Variants in OSBPL10 observed in about 807,000 individuals in gnomAD.
The protein encoded by OSBPL10 is oxysterol binding protein like 10, also known as oxysterol-binding protein-related protein 10.
In OSBPL10, 49 loss-of-function variants were observed where a neutral mutation model predicts 81.7. That is an observed-to-expected ratio of 0.60 (90% CI 0.48 to 0.76). The LOEUF is 0.76. Among genes scored for constraint, OSBPL10 ranks in the 30% least tolerant of loss-of-function variants. The pLI is 0.00. For synonymous variants in OSBPL10, 419 were observed against 383.6 expected, an observed-to-expected ratio of 1.09 and a Z score of -1.08; for missense variants, 923 against 987.8, an observed-to-expected ratio of 0.93 and a Z score of 0.88.
intron 6 of OSBPL10, among the ~76,000 whole-genome samples, chr3:31,718,425 C>A (rs1453324123): frequency 6.6e-6 from 1 of 152,198 alleles, no homozygotes; most frequent in African/African-American, 2.4e-5. Flanking sequence ...CCATGCCCAG[C>A]CCCAGAATTT....
chr3:31,764,328 C>T (rs1465961281), intron 4 of OSBPL10, among the ~76,000 whole-genome samples: 1 of 152,196 alleles, frequency 6.6e-6, no homozygotes, highest in Admixed American at 6.5e-5. Flanking sequence ...TAATTCACTG[C>T]CAAACTCTTT....
At chr3:31,926,292 C>CCCCCCCA (rs987421368) in intron 1 of OSBPL10, among the ~76,000 whole-genome samples, 2 of 144,496 alleles carry the variant, frequency 1.4e-5, no homozygotes, top group East Asian at 2.1e-4. Flanking sequence ...TGATTTTGCC[C>CCCCCCCA]CCCCAGAGGA....
intron 8 of OSBPL10, among the ~76,000 whole-genome samples, chr3:31,682,220 GC>G (rs150761341): frequency 0.043 from 6,469 of 152,034 alleles, 346 homozygotes; most frequent in East Asian, 0.3. Flanking sequence ...CATTACCCCC[GC>G]CCAGGGTCTG....
chr3:31,755,927 T>A (rs1697874413), intron 4 of OSBPL10, among the ~76,000 whole-genome samples: 1 of 152,218 alleles, frequency 6.6e-6, no homozygotes, highest in Admixed American at 6.5e-5. Flanking sequence ...TCTTCACCTT[T>A]GGCTTTTCTA....
intron 3 of OSBPL10, among the ~76,000 whole-genome samples, chr3:31,875,863 A>G (rs1701458379): frequency 6.6e-6 from 1 of 152,194 alleles, no homozygotes; most frequent in Non-Finnish European, 1.5e-5. Flanking sequence ...TGTTTCCTGT[A>G]TTTTAATGAA....
At chr3:31,789,114 G>A (rs1000627694) in intron 4 of OSBPL10, among the ~76,000 whole-genome samples, 4 of 152,190 alleles carry the variant, frequency 2.6e-5, no homozygotes, top group African/African-American at 9.7e-5. Context: ...AAGTCACAGC[G>A]ATTACAGGCG....
chr3:31,729,793 C>A (rs2168423), intron 6 of OSBPL10, among the ~76,000 whole-genome samples: 1 of 152,168 alleles, frequency 6.6e-6, no homozygotes, highest in African/African-American at 2.4e-5. Context: ...AGCTGCTGCT[C>A]TTGCCACAAC....
At chr3:31,956,978 C>CA (rs891255911) in intron 1 of OSBPL10, among the ~76,000 whole-genome samples, 2 of 151,342 alleles carry the variant, frequency 1.3e-5, no homozygotes, top group Admixed American at 1.3e-4. Flanking sequence ...ATAAAAAATA[C>CA]AAAAAAGTTA....
chr3:31,703,428 A>G (rs1339781076), intron 6 of OSBPL10, among the ~76,000 whole-genome samples: 1 of 152,218 alleles, frequency 6.6e-6, no homozygotes, highest in Admixed American at 6.5e-5. Flanking sequence ...GGTCAGACAT[A>G]ATATACAGAA....
chr3:31,680,318 C>G (rs956676309), intron 8 of OSBPL10, among the ~76,000 whole-genome samples: 4 of 152,210 alleles, frequency 2.6e-5, no homozygotes, highest in African/African-American at 9.7e-5. Flanking sequence ...CTGCTCAACC[C>G]TGCTCCTCTG....
intron 1 of OSBPL10, among the ~76,000 whole-genome samples, chr3:31,956,848 T>C (rs936940865): frequency 4.6e-5 from 7 of 152,272 alleles, no homozygotes; most frequent in Admixed American, 2.0e-4. Context: ...AAAAGCCACA[T>C]TGGGCCGGGT....
chr3:31,916,596 T>C (rs1271784219), intron 1 of OSBPL10, among the ~76,000 whole-genome samples: 2 of 152,214 alleles, frequency 1.3e-5, no homozygotes, highest in African/African-American at 4.8e-5. Context: ...CCACAGTCCA[T>C]GGCTCACCAA....
chr3:32,009,416 G>C lies in OSBPL10; in HGVS notation n.298+37075C>G, dbSNP rs142962606. 2.7e-3 allele frequency among the ~76,000 whole-genome samples: 404 copies of C among 152,304 alleles called. 2 individuals carry two copies. The highest frequency in any genetic ancestry group is 9.0e-3 in the African/African-American group (373 of 41,566). On this transcript the variant is annotated intron_variant and non_coding_transcript_variant, in intron 2 of 3. Transcript: ENST00000479173. Reference sequence around the variant, plus strand: ...CAGGCTTTGTCTCTCACTAGTTGGGGAAACTTGAGCAAGTCACTTAAACTC... The same window carrying C: ...CAGGCTTTGTCTCTCACTAGTTGGGCAAACTTGAGCAAGTCACTTAAACTC...
chr3:31,996,360 C>CG (rs1282827520), intron 2 of OSBPL10, among the ~76,000 whole-genome samples: 1 of 152,024 alleles, frequency 6.6e-6, no homozygotes, highest in African/African-American at 2.4e-5. Flanking sequence ...AACTCTCCCC[C>CG]CCGTGCAAGG....
At chr3:31,664,977 C>T (rs571851577) in intron 10 of OSBPL10, among the ~76,000 whole-genome samples, 1 of 152,200 alleles carries the variant, frequency 6.6e-6, no homozygotes, top group East Asian at 1.9e-4. Context: ...GACCTTCCTA[C>T]CCTGGCATGG....
intron 4 of OSBPL10, among the ~76,000 whole-genome samples, chr3:31,785,046 G>C (rs62244788): frequency 2.4e-3 from 369 of 151,386 alleles, no homozygotes; most frequent in Non-Finnish European, 4.4e-3. Context: ...CAACACACTT[G>C]GTTAATTTTT....
intron 1 of OSBPL10, among the ~76,000 whole-genome samples, chr3:31,939,183 C>T (rs1368314863): frequency 8.6e-5 from 12 of 138,912 alleles, no homozygotes; most frequent in South Asian, 2.2e-4. Flanking sequence ...TTCACTCTGT[C>T]GCCCAGGCTG....
In OSBPL10 at chr3:31,684,055, G is replaced by A. The variant is rs2125548626; in HGVS notation, c.1305C>T (p.Phe435=). The A allele has an allele frequency of 6.2e-7, 1 of 1,614,264 alleles. No individual in the cohort carries two copies. The highest frequency in any genetic ancestry group is 1.1e-5 in the South Asian group (1 of 91,088). The change falls in exon 8 of 12, where the codon TTC becomes TTT. Residue 435 remains phenylalanine (F), a synonymous_variant. Transcript: ENST00000396556. ...CCAGCAGTAGGTCTGGGTGCGCCAT[G>A]AAATCTGCATACATCTCCAGCAAAG... The part of the protein sequence containing the change: ...KRSLLEMYAD[F]MAHPDLLLAI...
intron 3 of OSBPL10, among the ~76,000 whole-genome samples, chr3:31,833,066 A>C (rs2125535627): frequency 6.6e-6 from 1 of 152,324 alleles, no homozygotes; most frequent in East Asian, 1.9e-4. Flanking sequence ...ACCATATAAT[A>C]ATCACCTACT....
Sources: allele counts gnomAD v4.1 joint callset (sites outside exome capture counted in the v4.1 genomes callset), GRCh38; gene constraint gnomAD v4.1.1; transcripts MANE v1.5; gene names NCBI Gene and HGNC (gene_info 2026-07-23, HGNC 2026-07-21).